CLTA: variants seen among roughly 807,000 people sequenced by gnomAD.
CLTA encodes the protein clathrin, light polypeptide (Lca).
CLTA carries 9 observed loss-of-function variants against 26.9 expected under a neutral mutation model. That is an observed-to-expected ratio of 0.33 (90% CI 0.20 to 0.58). The LOEUF is 0.58. Among genes scored for constraint, CLTA ranks in the 20% least tolerant of loss-of-function variants. CLTA has a pLI of 0.85. For missense variants in CLTA, 278 were observed against 294.2 expected, an observed-to-expected ratio of 0.94 and a Z score of 0.40; for synonymous variants, 120 against 115.5, an observed-to-expected ratio of 1.04 and a Z score of -0.25.
At chr9:36,210,672 C>T in intron 4 of CLTA, 1 of 1,614,012 alleles carries the variant, frequency 6.2e-7, no homozygotes, top group African/African-American at 1.3e-5. Flanking sequence ...TTAAGTAAAC[C>T]TTTCTCACTG....
Position 36,211,651 on chromosome 9 carries a change from C to G in CLTA, c.534C>G (p.Gly178=). 6.2e-7 allele frequency: 1 copy of G among 1,614,060 alleles called. No individual in the cohort carries two copies. The highest frequency in any genetic ancestry group is 1.1e-5 in the South Asian group (1 of 91,072). Reference sequence around the variant, plus strand: ...ATGACATTGACGAGTCGTCCCCAGGCACTGAGTGGGAACGGGTGGCCCGGC... The same window carrying G: ...ATGACATTGACGAGTCGTCCCCAGGGACTGAGTGGGAACGGGTGGCCCGGC... The part of the protein sequence containing the change: ...FVNDIDESSP[G]TEWERVARLC... The change falls in exon 5 of 5, where the codon GGC becomes GGG. Residue 178 remains glycine, a synonymous_variant. Transcript: ENST00000345519.
At chr9:36,203,155 A>C (rs1304596325) in intron 3 of CLTA, among the ~76,000 whole-genome samples, 1 of 152,062 alleles carries the variant, frequency 6.6e-6, no homozygotes, top group Non-Finnish European at 1.5e-5. Flanking sequence ...TTTATCTCTC[A>C]CTATCTACTG....
Position 36,208,946 on chromosome 9 carries a change from G to C in CLTA, c.486-2657G>C, listed in dbSNP as rs77112034. Among the ~76,000 whole-genome samples the C allele has an allele frequency of 9.6e-3, 1,459 of 152,318 alleles. 25 individuals carry two copies. The highest frequency in any genetic ancestry group is 0.033 in the African/African-American group (1,360 of 41,566). On this transcript the variant is annotated intron_variant, in intron 4 of 4. Transcript: ENST00000345519. ...CATAGGTTGTTAACAGTTAAGGATT[G>C]AATCAACATAATGTATGTGAAAGGG...
chr9:36,195,336 A>G (rs541665350), intron 1 of CLTA, among the ~76,000 whole-genome samples: 1 of 152,346 alleles, frequency 6.6e-6, no homozygotes, highest in Admixed American at 6.5e-5. Context: ...CATAAACCAA[A>G]TCAAAAGAGA....
chr9:36,193,574 G>A (rs1826860108), intron 1 of CLTA, among the ~76,000 whole-genome samples: 1 of 152,170 alleles, frequency 6.6e-6, no homozygotes, highest in African/African-American at 2.4e-5. Context: ...TACTATTAGT[G>A]GGAGAAAGGA....
At chr9:36,202,037 G>T (rs1038703477) in intron 3 of CLTA, among the ~76,000 whole-genome samples, 1 of 152,156 alleles carries the variant, frequency 6.6e-6, no homozygotes, top group Non-Finnish European at 1.5e-5. Context: ...CTTGAGCCTG[G>T]GAGATTGAGG....
At chr9:36,190,892 T>A, upstream of CLTA, 3 of 1,274,164 alleles carry the variant, frequency 2.4e-6, no homozygotes, top group Non-Finnish European at 3.1e-6. Flanking sequence ...CAACACCGCC[T>A]AGACCGACCG....
chr9:36,196,482 G>A (rs540835973), intron 1 of CLTA, among the ~76,000 whole-genome samples: 2 of 151,636 alleles, frequency 1.3e-5, no homozygotes, highest in African/African-American at 4.8e-5. Context: ...GAGTAGCTGG[G>A]ATTACAGGCT....
At chr9:36,206,102 C>G (rs1277421883) in intron 4 of CLTA, among the ~76,000 whole-genome samples, 1 of 152,128 alleles carries the variant, frequency 6.6e-6, no homozygotes, top group Non-Finnish European at 1.5e-5. Flanking sequence ...AGTTTAGTCC[C>G]TCCAGGCATT....
intron 3 of CLTA, among the ~76,000 whole-genome samples, chr9:36,201,198 G>C (rs575881320): frequency 6.6e-6 from 1 of 152,312 alleles, no homozygotes; most frequent in South Asian, 2.1e-4. Context: ...CAACTGAATT[G>C]AATTCACTTG....
At chr9:36,196,258 G>A (rs1340994382) in intron 1 of CLTA, among the ~76,000 whole-genome samples, 1 of 150,176 alleles carries the variant, frequency 6.7e-6, no homozygotes, top group Non-Finnish European at 1.5e-5. Flanking sequence ...ACTCTAGCCT[G>A]GGCAACAGAG....
intron 4 of CLTA, among the ~76,000 whole-genome samples, chr9:36,205,313 G>T (rs1827651806): frequency 6.6e-6 from 1 of 152,184 alleles, no homozygotes; most frequent in African/African-American, 2.4e-5. Context: ...GCTCTCTGGT[G>T]TGCAGGCTGG....
chr9:36,208,951 A>G (rs975706230), intron 4 of CLTA, among the ~76,000 whole-genome samples: 4 of 152,236 alleles, frequency 2.6e-5, no homozygotes, highest in African/African-American at 7.2e-5. Context: ...GGATTGAATC[A>G]ACATAATGTA....
chr9:36,200,992 A>G lies in CLTA; in HGVS notation c.373+1896A>G, dbSNP rs1827369398. On this transcript the variant is annotated intron_variant, in intron 3 of 4. Coordinates refer to ENST00000345519, the MANE Select transcript of CLTA (RefSeq NM_001833.4). ...GTACTGCTGTAGTATTTTTCATGTTACAGAACCCAAATTTATCTTTTCTGT... is the reference window on the plus strand; with the variant it reads ...GTACTGCTGTAGTATTTTTCATGTTGCAGAACCCAAATTTATCTTTTCTGT... 2.0e-5 allele frequency among the ~76,000 whole-genome samples: 3 copies of G among 152,140 alleles called. No homozygotes were observed. In the South Asian group the frequency reaches 6.2e-4, roughly 32 times the overall value.
At chr9:36,208,293 C>A (rs1307257489) in intron 4 of CLTA, among the ~76,000 whole-genome samples, 3 of 152,150 alleles carry the variant, frequency 2.0e-5, no homozygotes, top group Non-Finnish European at 2.9e-5. Flanking sequence ...CCAGCCTGGC[C>A]CCTGCTGTCA....
At chr9:36,206,191 G>T (rs762712406) in intron 4 of CLTA, among the ~76,000 whole-genome samples, 14 of 152,158 alleles carry the variant, frequency 9.2e-5, no homozygotes, top group Non-Finnish European at 1.9e-4. Flanking sequence ...AACCTCTTAA[G>T]TTCCAGAGAG....
chr9:36,210,773 C>A, intron 4 of CLTA: 1 of 1,189,324 alleles, frequency 8.4e-7, no homozygotes. Context: ...ATAGTGCCAC[C>A]CCTCCGTCCC....
Position 36,191,289 on chromosome 9 carries a change from C to G in CLTA, c.217+16C>G. ...GGGGGTCCGGGTGAGAGTGCGGGCG[C>G]GTTTGGGGCGAGAGGACTTGTCTGG... is the stretch of plus-strand genomic sequence containing the variant. On this transcript the variant is annotated intron_variant, in intron 1 of 4. Transcript: ENST00000345519. 6.7e-7 allele frequency: 1 copy of G among 1,497,216 alleles called. No individual in the cohort carries two copies. Among genetic ancestry groups the G allele is most frequent in the South Asian group, 1.3e-5 (1 of 78,800 alleles). The allele number at this position is 1,497,216 out of a possible 1,614,324, so 92.7% of individuals were successfully genotyped here.
chr9:36,191,936 C>T (rs1054476614), intron 1 of CLTA, among the ~76,000 whole-genome samples: 2 of 152,066 alleles, frequency 1.3e-5, no homozygotes, highest in African/African-American at 4.8e-5. Flanking sequence ...GGCAATATTG[C>T]CTAAGCAGAA....
Sources: allele counts gnomAD v4.1 joint callset (sites outside exome capture counted in the v4.1 genomes callset), GRCh38; gene constraint gnomAD v4.1.1; transcripts MANE v1.5; gene names NCBI Gene and HGNC (gene_info 2026-07-23, HGNC 2026-07-21).